TYW1B: variants seen among roughly 807,000 people sequenced by gnomAD.
The protein encoded by TYW1B is S-adenosyl-L-methionine-dependent tRNA 4-demethylwyosine synthase TYW1B.
TYW1B carries 73 observed loss-of-function variants against 86.9 expected under a neutral mutation model. The observed-to-expected ratio is 0.84, with a 90% CI of 0.70 to 1.02. TYW1B has a LOEUF of 1.02. TYW1B is among the 50% of genes least tolerant of loss of function. The pLI, the probability that TYW1B is intolerant of heterozygous loss-of-function variation, is 0.00. For missense variants in TYW1B, 637 were observed against 827.4 expected, an observed-to-expected ratio of 0.77 and a Z score of 2.82; for synonymous variants, 248 against 292.8, an observed-to-expected ratio of 0.85 and a Z score of 1.56.
At chr7:72,824,719 G>A (rs1170541447) in intron 2 of TYW1B, among the ~76,000 whole-genome samples, 4 of 151,822 alleles carry the variant, frequency 2.6e-5, no homozygotes, top group Admixed American at 2.6e-4. Context: ...CCAGGCTGGG[G>A]GACAGAGTGA....
At chr7:72,719,003 TAC>T (rs145838346) in intron 9 of TYW1B, among the ~76,000 whole-genome samples, 1 of 152,116 alleles carries the variant, frequency 6.6e-6, no homozygotes, top group Non-Finnish European at 1.5e-5. Flanking sequence ...ATGGAGATTT[TAC>T]ACACACACAT....
intron 11 of TYW1B, among the ~76,000 whole-genome samples, chr7:72,658,637 A>G (rs1192812056): frequency 2.0e-5 from 3 of 152,262 alleles, no homozygotes; most frequent in Non-Finnish European, 4.4e-5. Flanking sequence ...AAGAAACTAC[A>G]TTATACATAT....
At chr7:72,700,003 T>C (rs1380844786) in intron 10 of TYW1B, among the ~76,000 whole-genome samples, 3 of 152,006 alleles carry the variant, frequency 2.0e-5, no homozygotes, top group African/African-American at 7.2e-5. Flanking sequence ...TAATTACATG[T>C]GTGTGGCTCT....
chr7:72,622,209 C>A (rs1329838253), intron 12 of TYW1B, among the ~76,000 whole-genome samples: 1 of 152,038 alleles, frequency 6.6e-6, no homozygotes, highest in East Asian at 1.9e-4. Flanking sequence ...CAAATAAAGG[C>A]CTCTTTAAGC....
Position 72,810,563 on chromosome 7 carries a change from T to C in TYW1B, c.340A>G (p.Ile114Val). Reference protein sequence around the residue: ...WFCKWLEEASIDFRFGKTYLK... With the variant: ...WFCKWLEEASVDFRFGKTYLK... The stretch of plus-strand genomic sequence containing the variant: ...TAAGTTTTGCCAAATCGAAAATCAA[T>C]GGATGCTTCCTCTAACCATTTGCAG... Residue 114 changes from isoleucine to valine, a missense_variant, in exon 4 of 14, where the codon ATT becomes GTT. Coordinates refer to ENST00000620995, the MANE Select transcript of TYW1B (RefSeq NM_001145440.3). 1 of 1,613,962 alleles carries C rather than the reference T, an allele frequency of 6.2e-7. No homozygotes were observed. Among genetic ancestry groups the C allele is most frequent in the Non-Finnish European group, 8.5e-7 (1 of 1,179,856 alleles).
chr7:72,751,856 C>T (rs1459951992), intron 7 of TYW1B, among the ~76,000 whole-genome samples: 3 of 152,198 alleles, frequency 2.0e-5, no homozygotes, highest in African/African-American at 7.2e-5. Context: ...ATTTTCAGAA[C>T]CTTTGCAGTG....
chr7:72,754,453 T>C (rs1372510657), intron 7 of TYW1B, among the ~76,000 whole-genome samples: 1 of 151,932 alleles, frequency 6.6e-6, no homozygotes, highest in African/African-American at 2.4e-5. Context: ...TTTTTTTTGT[T>C]TGAGACAGAA....
At chr7:72,619,598 G>T (rs1306198187) in intron 12 of TYW1B, among the ~76,000 whole-genome samples, 1 of 143,704 alleles carries the variant, frequency 7.0e-6, no homozygotes, top group African/African-American at 2.6e-5. Context: ...CCGAGATTGC[G>T]CCACTGCAGT....
intron 11 of TYW1B, among the ~76,000 whole-genome samples, chr7:72,674,345 T>C (rs1314313058): frequency 1.3e-5 from 2 of 152,168 alleles, no homozygotes; most frequent in African/African-American, 4.8e-5. Flanking sequence ...AAGATGAGGT[T>C]GTTTTCGGCA....
At chr7:72,730,902 C>G in intron 8 of TYW1B, among the ~76,000 whole-genome samples, 1 of 134,386 alleles carries the variant, frequency 7.4e-6, no homozygotes. Context: ...ATCAAGCAAG[C>G]TAAAAATTCC....
chr7:72,803,382 A>G (rs1554476149), intron 5 of TYW1B, among the ~76,000 whole-genome samples: 1 of 152,118 alleles, frequency 6.6e-6, no homozygotes, highest in East Asian at 1.9e-4. Context: ...AGTAGAGGAA[A>G]TGTGACATCA....
intron 11 of TYW1B, among the ~76,000 whole-genome samples, chr7:72,666,584 G>C (rs541649377): frequency 6.6e-6 from 1 of 152,226 alleles, no homozygotes; most frequent in East Asian, 1.9e-4. Context: ...CATATCACTG[G>C]CTGATCTAAG....
At chr7:72,694,861 A>G in intron 10 of TYW1B, 39 bp from the exon 11 acceptor site, 1 of 1,582,068 alleles carries the variant, frequency 6.3e-7, no homozygotes, top group Non-Finnish European at 8.5e-7. Flanking sequence ...AAGAAAAATT[A>G]TTCCTCTATC....
At chr7:72,643,169 T>C (rs1294189971) in intron 11 of TYW1B, among the ~76,000 whole-genome samples, 1 of 151,758 alleles carries the variant, frequency 6.6e-6, no homozygotes, top group Non-Finnish European at 1.5e-5. Flanking sequence ...AGCAATAATA[T>C]AAATATAAGA....
At chr7:72,785,918 G>A (rs1788121301) in intron 6 of TYW1B, among the ~76,000 whole-genome samples, 1 of 151,988 alleles carries the variant, frequency 6.6e-6, no homozygotes, top group Admixed American at 6.6e-5. Context: ...TTCAAGACCA[G>A]CCTGGCCAAC....
At chr7:72,737,699 G>A (rs1223553669) in intron 8 of TYW1B, among the ~76,000 whole-genome samples, 1 of 151,938 alleles carries the variant, frequency 6.6e-6, no homozygotes, top group African/African-American at 2.4e-5. Context: ...ACATACTTTT[G>A]TCTTGCAAGC....
Position 72,575,176 on chromosome 7 carries a change from C to G in TYW1B, c.*322G>C. 8.9e-7 allele frequency: 1 copy of G among 1,121,112 alleles called. No homozygotes were observed. Among genetic ancestry groups the G allele is most frequent in the Non-Finnish European group, 1.1e-6 (1 of 914,692 alleles). The allele number at this position is 1,121,112 out of a possible 1,614,324, so 69.4% of individuals were successfully genotyped here. On this transcript the variant is annotated 3_prime_UTR_variant, in exon 14 of 14. Transcript: ENST00000620995. ...CCTTGTCTGACACTCTCAGGACTAG[C>G]ATTCTGGCAGGTCTTAGAAGTTATA... is the stretch of plus-strand genomic sequence containing the variant.
At chr7:72,632,910 T>C (rs1380220439) in intron 11 of TYW1B, among the ~76,000 whole-genome samples, 2 of 152,264 alleles carry the variant, frequency 1.3e-5, no homozygotes, top group South Asian at 4.1e-4. Flanking sequence ...GCAGCAAAGC[T>C]GGGGTGTGAA....
At chr7:72,582,709 G>C (rs1261993285) in intron 13 of TYW1B, among the ~76,000 whole-genome samples, 1 of 152,150 alleles carries the variant, frequency 6.6e-6, no homozygotes, top group Admixed American at 6.5e-5. Context: ...GGGTAAGTAA[G>C]TGTCCTGCAG....
Sources: gnomAD v4.1 joint callset for allele counts (sites outside exome capture counted in the v4.1 genomes callset) on GRCh38, gnomAD v4.1.1 for gene constraint, MANE v1.5 for transcripts, NCBI Gene and HGNC (gene_info 2026-07-23, HGNC 2026-07-21) for gene names.